The following PCDHGA1 variants were observed in gnomAD, a reference collection of about 807,000 sequenced individuals.
PCDHGA1 encodes protocadherin gamma-A1.
In PCDHGA1, 32 loss-of-function variants were observed where a neutral mutation model predicts 58.0. The ratio of observed to expected loss-of-function variants is 0.55; its 90% confidence interval spans 0.42 to 0.74. The LOEUF is 0.74. PCDHGA1 is among the 30% of genes least tolerant of loss of function. PCDHGA1 has a pLI of 0.00. For missense variants in PCDHGA1, 1,205 were observed against 1,182.3 expected (o/e 1.02, Z -0.28); for synonymous variants, 498 against 501.1 (o/e 0.99, Z 0.08).
chr5:141,461,560 T>G (rs1355320881), intron 1 of PCDHGA1, among the ~76,000 whole-genome samples: 1 of 152,234 alleles, frequency 6.6e-6, no homozygotes, highest in African/African-American at 2.4e-5. Context: ...ATGTGTACTT[T>G]GCAAAGATAA....
intron 1 of PCDHGA1, chr5:141,385,074 G>T: frequency 1.2e-6 from 2 of 1,614,192 alleles, no homozygotes; most frequent in African/African-American, 1.3e-5. Context: ...CACGCCTGCT[G>T]CAGGCTTCAG....
At chr5:141,404,675 G>A (rs1048688884) in intron 1 of PCDHGA1, 2 of 1,614,200 alleles carry the variant, frequency 1.2e-6, no homozygotes, top group Non-Finnish European at 1.7e-6. Flanking sequence ...TTCTACTGGT[G>A]TGGAGCTGGC....
chr5:141,417,599 C>G (rs1036283292), intron 1 of PCDHGA1: 4 of 500,492 alleles, frequency 8.0e-6, no homozygotes, highest in African/African-American at 7.8e-5. Flanking sequence ...CTCTGGGCGC[C>G]GCCGTCGGCC....
chr5:141,490,396 A>G lies in PCDHGA1; in HGVS notation c.2422-4411A>G. ...GGACTCAGGTAGAAATGGTGAAGTGAGCCTTGATATCTCTCCGGACCTGCC... is the reference window on the plus strand; with the variant it reads ...GGACTCAGGTAGAAATGGTGAAGTGGGCCTTGATATCTCTCCGGACCTGCC... On this transcript the variant is annotated intron_variant, in intron 1 of 3. Coordinates refer to ENST00000517417, the MANE Select transcript of PCDHGA1 (RefSeq NM_018912.3). The surrounding 1 kb of genome is among the most constrained non-coding windows in gnomAD (Gnocchi z 5.4). 1 of 1,614,146 alleles carries G rather than the reference A, an allele frequency of 6.2e-7. No homozygotes were observed. The highest frequency in any genetic ancestry group is 8.5e-7 in the Non-Finnish European group (1 of 1,180,030).
chr5:141,344,374 T>A, intron 1 of PCDHGA1: 1 of 1,613,186 alleles, frequency 6.2e-7, no homozygotes, highest in Non-Finnish European at 8.5e-7. Context: ...GAGGATAAAT[T>A]GAAAATTTTT....
intron 1 of PCDHGA1, chr5:141,350,656 A>G: frequency 6.2e-7 from 1 of 1,614,044 alleles, no homozygotes; most frequent in East Asian, 2.2e-5. Context: ...GTTTCGTTGC[A>G]AAAGGCATTG....
chr5:141,431,584 G>A lies in PCDHGA1; in HGVS notation c.2422-63223G>A, dbSNP rs201462681. 7 of 1,614,074 alleles carry A rather than the reference G, an allele frequency of 4.3e-6. No homozygotes were observed. The African/African-American group carries it at 9.3e-5, about 22-fold the overall frequency. On this transcript the variant is annotated intron_variant, in intron 1 of 3. Coordinates refer to ENST00000517417, the MANE Select transcript of PCDHGA1 (RefSeq NM_018912.3). The surrounding 1 kb of genome is among the most constrained non-coding windows in gnomAD (Gnocchi z 4.8). ...CCGACCCTGACGAAGGAGTCAATGC[G>A]GAAGTGAGGTATTCCTTCCGGTATG... is the stretch of plus-strand genomic sequence containing the variant.
intron 1 of PCDHGA1, chr5:141,345,485 C>T: frequency 6.2e-7 from 1 of 1,614,174 alleles, no homozygotes; most frequent in Non-Finnish European, 8.5e-7. Flanking sequence ...GCAACAACAA[C>T]GCCCGCATCA....
At chr5:141,340,579 C>G in intron 1 of PCDHGA1, 4 of 1,614,226 alleles carry the variant, frequency 2.5e-6, no homozygotes, top group Non-Finnish European at 2.5e-6. Flanking sequence ...TAGCGCGGGA[C>G]AGCGGGAACC....
intron 1 of PCDHGA1, chr5:141,383,044 GC>G: frequency 1.2e-6 from 2 of 1,613,878 alleles, no homozygotes; most frequent in Non-Finnish European, 8.5e-7. Context: ...GGGAGACATC[GC>G]CAAGGACCTG....
At chr5:141,409,036 C>T in intron 1 of PCDHGA1, 1 of 1,614,020 alleles carries the variant, frequency 6.2e-7, no homozygotes, top group Non-Finnish European at 8.5e-7. Context: ...CTGAGATAAA[C>T]TACTACTTCC....
In PCDHGA1 at chr5:141,431,913, T is replaced by C; in HGVS notation, c.2422-62894T>C. The C allele has an allele frequency of 6.2e-7, 1 of 1,614,140 alleles. No individual in the cohort carries two copies. Among genetic ancestry groups the C allele is most frequent in the Admixed American group, 1.7e-5 (1 of 60,034 alleles). On this transcript the variant is annotated intron_variant, in intron 1 of 3. Transcript: ENST00000517417. This position sits in a 1 kb window ranked among gnomAD's most constrained non-coding sequence, Gnocchi z 4.8. The stretch of plus-strand genomic sequence containing the variant: ...GAGGAAAACGGACAGGTGATCTGTT[T>C]CATCCAAGGAAATCTGCCCTTTAAA...
chr5:141,353,687 C>T (rs555307178), intron 1 of PCDHGA1, among the ~76,000 whole-genome samples: 3 of 152,224 alleles, frequency 2.0e-5, no homozygotes, highest in South Asian at 2.1e-4. Context: ...GTTTATAAAG[C>T]GTTTTCCATA....
chr5:141,427,776 G>A (rs3828681), intron 1 of PCDHGA1: 73,622 of 1,424,156 alleles, frequency 0.052, 2,339 homozygotes, highest in African/African-American at 0.13. Flanking sequence ...GGAGCTGCGG[G>A]CACTGTCGTC....
chr5:141,415,686 G>T, intron 1 of PCDHGA1: 2 of 1,535,424 alleles, frequency 1.3e-6, no homozygotes, highest in Middle Eastern at 1.7e-4. Flanking sequence ...GCGGCATGAT[G>T]GTGGAAAGTG....
rs61612330 is a variant in PCDHGA1, at chr5:141,454,796, A to ATTTTTTTTTTTT, written c.2422-39993_2422-39982dup. Among the ~76,000 whole-genome samples, 573 of 77,460 alleles carry ATTTTTTTTTTTT rather than the reference A, an allele frequency of 7.4e-3. 68 individuals carry two copies. Among genetic ancestry groups the ATTTTTTTTTTTT allele is most frequent in the Non-Finnish European group, 9.0e-3 (384 of 42,814 alleles). The allele number at this position is 77,460 out of a possible 152,430, so 50.8% of individuals were successfully genotyped here. A position where few individuals can be genotyped will look rare whatever the true frequency, so the allele number is the denominator to read the frequency against. On this transcript the variant is annotated intron_variant, in intron 1 of 3. Coordinates refer to ENST00000517417, the MANE Select transcript of PCDHGA1 (RefSeq NM_018912.3). ...AAGGAAATAATCCTCCATGGTTCTA[A>ATTTTTTTTTTTT]TTTTTTTTTTTTTTTTTTTTTTTTT...
intron 1 of PCDHGA1, chr5:141,403,495 C>A: frequency 6.2e-7 from 1 of 1,614,014 alleles, no homozygotes; most frequent in Non-Finnish European, 8.5e-7. Context: ...TCTCCCTGAA[C>A]GTGCAGACTG....
intron 1 of PCDHGA1, chr5:141,361,155 C>G (rs760085788): frequency 1.2e-6 from 2 of 1,613,954 alleles, no homozygotes; most frequent in East Asian, 4.5e-5. Flanking sequence ...TTCTTGATGA[C>G]AACGATTGTG....
At position 141,459,173 on chromosome 5, in the gene PCDHGA1, AG is replaced by A. The variant is rs370401072; in HGVS notation, c.2422-35633del. Among the ~76,000 whole-genome samples the A allele has an allele frequency of 3.1e-3, 479 of 152,326 alleles. 10 individuals carry two copies. In the South Asian group the frequency reaches 0.063, roughly 20 times the overall value. ...ATAGAACATTTCTATAACCTTCAAA[AG>A]TTCCCTCATGCCCCTTTGCAATCAA... On this transcript the variant is annotated intron_variant, in intron 1 of 3. Coordinates refer to ENST00000517417, the MANE Select transcript of PCDHGA1 (RefSeq NM_018912.3).
Sources: allele counts gnomAD v4.1 joint callset (sites outside exome capture counted in the v4.1 genomes callset), GRCh38; gene constraint gnomAD v4.1.1; non-coding constraint Gnocchi (gnomAD v3.1); transcripts MANE v1.5; gene names NCBI Gene and HGNC (gene_info 2026-07-23, HGNC 2026-07-21).